GAS7: variants seen among roughly 807,000 people sequenced by gnomAD.
GAS7 encodes the protein growth arrest-specific protein 7.
Under a neutral mutation model 71.1 loss-of-function variants are expected in GAS7, and 28 were observed. The ratio of observed to expected loss-of-function variants is 0.39; its 90% CI spans 0.29 to 0.54. GAS7 has a LOEUF of 0.54. Ranked by LOEUF, GAS7 falls within the 20% of genes least tolerant of loss-of-function variation. The pLI, the probability that GAS7 is intolerant of heterozygous loss-of-function variation, is 0.62. For synonymous variants in GAS7, 258 were observed against 245.8 expected, an observed-to-expected ratio of 1.05 and a Z score of -0.46; for missense variants, 436 against 627.8, an observed-to-expected ratio of 0.69 and a Z score of 3.27.
chr17:9,926,095 G>T lies in GAS7; in HGVS notation c.1015-496C>A, dbSNP rs1480350211. Among the ~76,000 whole-genome samples the T allele has an allele frequency of 6.6e-6, 1 of 151,408 alleles. No individual in the cohort carries two copies. Among genetic ancestry groups the T allele is most frequent in the Non-Finnish European group, 1.5e-5 (1 of 67,880 alleles). On this transcript the variant is annotated intron_variant, in intron 10 of 13. Coordinates refer to ENST00000432992, the MANE Select transcript of GAS7 (RefSeq NM_201433.2). The surrounding 1 kb of genome is among the most constrained non-coding windows in gnomAD (Gnocchi z 5.0). ...GGTCCTTGGGTGGCGGCAGTTGGCTGGGCCCAGGGTGTCCCAGCAGTTTGA... is the reference window on the plus strand; with the variant it reads ...GGTCCTTGGGTGGCGGCAGTTGGCTTGGCCCAGGGTGTCCCAGCAGTTTGA...
Position 10,034,275 on chromosome 17 carries a change from C to T in GAS7, c.184-14378G>A, listed in dbSNP as rs936052281. On this transcript the variant is annotated intron_variant, in intron 1 of 13. Transcript: ENST00000432992. This position sits in a 1 kb window ranked among gnomAD's most constrained non-coding sequence, Gnocchi z 4.4. ...AGTTGGACCAGATGGTCTCCAAGGGCTTTCATATATACATATATATAGCCT... is the reference window on the plus strand; with the variant it reads ...AGTTGGACCAGATGGTCTCCAAGGGTTTTCATATATACATATATATAGCCT... 3 of 944,722 alleles carry T rather than the reference C, an allele frequency of 3.2e-6. No individual in the cohort carries two copies. The African/African-American group carries it at 5.3e-5, about 17-fold the overall frequency. The allele number at this position is 944,722 out of a possible 1,614,324, so 58.5% of individuals were successfully genotyped here.
In GAS7 at chr17:9,969,270, T is replaced by G. The variant is rs144040932; in HGVS notation, c.471+407A>C. 3.9e-5 allele frequency among the ~76,000 whole-genome samples: 6 copies of G among 152,356 alleles called. No homozygotes were observed. Among genetic ancestry groups the G allele is most frequent in the East Asian group, 1.9e-4 (1 of 5,190 alleles). On this transcript the variant is annotated intron_variant, in intron 4 of 13. Transcript: ENST00000432992. The surrounding 1 kb of genome is among the most constrained non-coding windows in gnomAD (Gnocchi z 5.5). ...TATGCTACTTTATCAAATGAGATGA[T>G]CAAATTTTACTAAATTCCATTCTGG... is the stretch of plus-strand genomic sequence containing the variant.
At chr17:10,185,306 G>A (rs185618072) in intron 1 of GAS7, among the ~76,000 whole-genome samples, 6 of 152,262 alleles carry the variant, frequency 3.9e-5, no homozygotes, top group Admixed American at 3.3e-4. Flanking sequence ...GAGAGGGCAT[G>A]GAAGCTGCAC....
chr17:10,183,799 G>A (rs9910082), intron 1 of GAS7, among the ~76,000 whole-genome samples: 4 of 151,774 alleles, frequency 2.6e-5, no homozygotes, highest in East Asian at 1.9e-4. Context: ...CTGAGATAGC[G>A]CCACTGCACT....
At chr17:9,925,695 C>T in intron 10 of GAS7, 96 bp from the exon 11 acceptor site, 10 of 1,388,112 alleles carry the variant, frequency 7.2e-6, no homozygotes, top group Non-Finnish European at 9.0e-6. Flanking sequence ...GTCCTTTCGC[C>T]CCTTGTTTGT....
chr17:9,989,673 GTGTTATGAGAACGAA>G (rs2070768472), intron 2 of GAS7, among the ~76,000 whole-genome samples: 1 of 152,188 alleles, frequency 6.6e-6, no homozygotes, highest in South Asian at 2.1e-4. Context: ...GGGATAGAAA[GTGTTATGAGAACGAA>G]GCTGTAATTT....
Position 9,959,126 on chromosome 17 carries a change from C to T in GAS7, c.525+76G>A. ...GGCATCACTTCTGCTTGGCGGTCCA[C>T]ATCGCCATGGCAACAGCCCAGCCAA... On this transcript the variant is annotated intron_variant, in intron 5 of 13. Transcript: ENST00000432992. The surrounding 1 kb of genome is among the most constrained non-coding windows in gnomAD (Gnocchi z 5.0). The T allele has an allele frequency of 9.2e-6, 14 of 1,516,378 alleles. No individual in the cohort carries two copies. The highest frequency in any genetic ancestry group is 1.2e-5 in the Non-Finnish European group (13 of 1,116,732). The allele number at this position is 1,516,378 out of a possible 1,614,324, so 93.9% of individuals were successfully genotyped here. A position where few individuals can be genotyped will look rare whatever the true frequency, so the allele number is the denominator to read the frequency against.
In GAS7 at chr17:9,981,305, C is replaced by A. The variant is rs2152129386; in HGVS notation, c.385+499G>T. Among the ~76,000 whole-genome samples, 1 of 152,114 alleles carries A rather than the reference C, an allele frequency of 6.6e-6. No homozygotes were observed. Among genetic ancestry groups the A allele is most frequent in the Middle Eastern group, 3.4e-3 (1 of 294 alleles). ...GACCCTGTCTCAAAAGAGAAACAAA[C>A]AAACAAACAAAAAAGAACGTCCATC... is the stretch of plus-strand genomic sequence containing the variant. On this transcript the variant is annotated intron_variant, in intron 3 of 13. Coordinates refer to ENST00000432992, the MANE Select transcript of GAS7 (RefSeq NM_201433.2). The surrounding 1 kb of genome is among the most constrained non-coding windows in gnomAD (Gnocchi z 4.4).
chr17:9,986,036 C>T (rs950104327), intron 2 of GAS7, among the ~76,000 whole-genome samples: 1 of 152,232 alleles, frequency 6.6e-6, no homozygotes, highest in African/African-American at 2.4e-5. Context: ...CCTCAGACAG[C>T]TCAGATCCTA....
chr17:10,113,939 G>C (rs563785880), intron 1 of GAS7, among the ~76,000 whole-genome samples: 3 of 152,132 alleles, frequency 2.0e-5, no homozygotes, highest in Non-Finnish European at 4.4e-5. Context: ...TCTCAAGATA[G>C]GGTCTTGCTA....
intron 1 of GAS7, among the ~76,000 whole-genome samples, chr17:10,154,964 T>G (rs1249220198): frequency 6.8e-6 from 1 of 146,552 alleles, no homozygotes; most frequent in Non-Finnish European, 1.5e-5. Flanking sequence ...ACAAAACCCA[T>G]GTCCACAGTC....
chr17:10,022,334 G>A (rs2072302129), intron 1 of GAS7, among the ~76,000 whole-genome samples: 1 of 152,194 alleles, frequency 6.6e-6, no homozygotes. Context: ...CAAGATGCCA[G>A]GTGTCCTCCC....
chr17:10,040,518 A>T (rs1161547202), intron 1 of GAS7, among the ~76,000 whole-genome samples: 1 of 152,170 alleles, frequency 6.6e-6, no homozygotes, highest in African/African-American at 2.4e-5. Context: ...CCAGGGTATA[A>T]AAAGGTCAAA....
chr17:10,039,857 G>A (rs1168970835), intron 1 of GAS7: 1 of 414,054 alleles, frequency 2.4e-6, no homozygotes. Flanking sequence ...TCCCAGAGGG[G>A]GTGACAATGT....
At chr17:9,966,913 A>T (rs1020024878) in intron 4 of GAS7, among the ~76,000 whole-genome samples, 1 of 152,234 alleles carries the variant, frequency 6.6e-6, no homozygotes, top group African/African-American at 2.4e-5. Context: ...TAGCTTTTAT[A>T]TACAAATGTT....
chr17:10,064,481 C>T (rs2073258805), intron 1 of GAS7, among the ~76,000 whole-genome samples: 1 of 152,230 alleles, frequency 6.6e-6, no homozygotes, highest in Admixed American at 6.5e-5. Flanking sequence ...GAGCAAGTGG[C>T]TCCTGCCTGG....
At chr17:9,978,047 T>C (rs2070274900) in intron 3 of GAS7, among the ~76,000 whole-genome samples, 1 of 152,026 alleles carries the variant, frequency 6.6e-6, no homozygotes, top group South Asian at 2.1e-4. Flanking sequence ...CTTGTCTCTA[T>C]GAAAAATTCT....
At chr17:10,164,586 G>A (rs1484078262) in intron 1 of GAS7, among the ~76,000 whole-genome samples, 1 of 151,770 alleles carries the variant, frequency 6.6e-6, no homozygotes, top group Non-Finnish European at 1.5e-5. Flanking sequence ...GACTGCTTGA[G>A]CCTAGGAGTT....
At chr17:10,078,239 G>A (rs1567582776) in intron 1 of GAS7, among the ~76,000 whole-genome samples, 1 of 152,050 alleles carries the variant, frequency 6.6e-6, no homozygotes, top group Admixed American at 6.6e-5. Flanking sequence ...CTGCAGACGT[G>A]CACCACCATG....
Sources: gnomAD v4.1 joint callset for allele counts (sites outside exome capture counted in the v4.1 genomes callset) on GRCh38, gnomAD v4.1.1 for gene constraint, Gnocchi (gnomAD v3.1) non-coding constraint, MANE v1.5 for transcripts, NCBI Gene and HGNC (gene_info 2026-07-23, HGNC 2026-07-21) for gene names.